SLCO1A2: variants seen among roughly 807,000 people sequenced by gnomAD.
SLCO1A2 encodes the protein solute carrier organic anion transporter family member 1A2.
Under a neutral mutation model 69.0 loss-of-function variants are expected in SLCO1A2, and 67 were observed. That is an observed-to-expected ratio of 0.97 (90% confidence interval 0.80 to 1.19). SLCO1A2 has a LOEUF of 1.19. SLCO1A2 is among the 50% of genes most tolerant of loss of function. SLCO1A2 has a pLI of 0.00. For synonymous variants in SLCO1A2, 260 were observed against 265.9 expected (o/e 0.98, Z 0.22); for missense variants, 787 against 793.7 (o/e 0.99, Z 0.10).
chr12:21,386,303 G>T (rs1401940035), intron 1 of SLCO1A2, among the ~76,000 whole-genome samples: 2 of 152,174 alleles, frequency 1.3e-5, no homozygotes, highest in African/African-American at 4.8e-5. Context: ...GCCTTGCAAA[G>T]ATATGAGGAT....
At chr12:21,316,020 A>G (rs967108105) in intron 3 of SLCO1A2, among the ~76,000 whole-genome samples, 16 of 152,310 alleles carry the variant, frequency 1.1e-4, no homozygotes, top group Non-Finnish European at 1.6e-4. Flanking sequence ...TGTAAATTTC[A>G]CACTATTTCT....
chr12:21,318,412 C>T (rs900597321), intron 3 of SLCO1A2, among the ~76,000 whole-genome samples: 1 of 152,172 alleles, frequency 6.6e-6, no homozygotes, highest in African/African-American at 2.4e-5. Flanking sequence ...AGCCACCTCG[C>T]CCGGCGGTCT....
intron 1 of SLCO1A2, among the ~76,000 whole-genome samples, chr12:21,387,484 G>A (rs561618178): frequency 5.3e-5 from 8 of 152,094 alleles, no homozygotes; most frequent in Non-Finnish European, 7.4e-5. Flanking sequence ...AGGGGCCAAG[G>A]TACAGCTCAA....
At chr12:21,274,912 A>G in intron 13 of SLCO1A2, 2 of 1,057,054 alleles carry the variant, frequency 1.9e-6, no homozygotes, top group Non-Finnish European at 2.3e-6. Flanking sequence ...CTTTCATTTT[A>G]TTTTCAAATC....
At chr12:21,322,018 A>G (rs751787828) in intron 2 of SLCO1A2, among the ~76,000 whole-genome samples, 1 of 152,246 alleles carries the variant, frequency 6.6e-6, no homozygotes, top group Non-Finnish European at 1.5e-5. Context: ...CAGGCACCCA[A>G]TACAAGTTTA....
intron 14 of SLCO1A2, among the ~76,000 whole-genome samples, chr12:21,273,509 A>AATTG (rs1324660155): frequency 6.6e-6 from 1 of 152,178 alleles, no homozygotes; most frequent in African/African-American, 2.4e-5. Context: ...TTCATTGACC[A>AATTG]GTCTAATTGG....
At chr12:21,275,087 A>G (rs1174945269) in intron 13 of SLCO1A2, 1 of 1,041,374 alleles carries the variant, frequency 9.6e-7, no homozygotes, top group African/African-American at 1.7e-5. Context: ...TTGTTTATCT[A>G]GTATTTAATA....
chr12:21,321,909 A>C (rs1020047115), intron 2 of SLCO1A2, among the ~76,000 whole-genome samples: 1 of 152,120 alleles, frequency 6.6e-6, no homozygotes, highest in African/African-American at 2.4e-5. Context: ...TTAGATGTCT[A>C]TAAGTTCCTC....
intron 3 of SLCO1A2, among the ~76,000 whole-genome samples, chr12:21,316,924 TG>T (rs1565494607): frequency 6.6e-6 from 1 of 152,218 alleles, no homozygotes; most frequent in Non-Finnish European, 1.5e-5. Context: ...ATATGGCTGT[TG>T]CAAACAATTC....
intron 3 of SLCO1A2, among the ~76,000 whole-genome samples, chr12:21,315,331 C>T (rs778334357): frequency 4.6e-5 from 7 of 151,996 alleles, no homozygotes; most frequent in Admixed American, 1.3e-4. Context: ...AAAATGTATC[C>T]GCATGTCTTA....
intron 2 of SLCO1A2, chr12:21,319,406 C>T: frequency 1.5e-6 from 2 of 1,367,908 alleles, no homozygotes; most frequent in Non-Finnish European, 2.0e-6. Context: ...TTCTTGCTTG[C>T]AATTCTTGGT....
At chr12:21,382,380 T>TGTACGCTTCTTGGGTGACAG (rs1940640886) in intron 1 of SLCO1A2, among the ~76,000 whole-genome samples, 1 of 152,170 alleles carries the variant, frequency 6.6e-6, no homozygotes, top group East Asian at 1.9e-4. Context: ...TCAGATATAA[T>TGTACGCTTCTTGGGTGACAG]GTACGCTTCT....
At chr12:21,310,179 A>C (rs963944790) in intron 4 of SLCO1A2, among the ~76,000 whole-genome samples, 6 of 152,248 alleles carry the variant, frequency 3.9e-5, no homozygotes, top group African/African-American at 1.4e-4. Context: ...ACTAATGTAT[A>C]GACATATCTC....
chr12:21,300,003 T>TGC (rs1226039176), intron 8 of SLCO1A2, among the ~76,000 whole-genome samples: 1 of 149,542 alleles, frequency 6.7e-6, no homozygotes, highest in African/African-American at 2.5e-5. Context: ...TAGATATATG[T>TGC]GTGTGTACAT....
Position 21,300,431 on chromosome 12 carries a change from T to G in SLCO1A2, c.827A>C (p.Glu276Ala). ...ATTTTTAATGATGTCAGCATTAGTC[T>G]CTAGTCCTTCCTTTGGAAGTGTGTT... ...LPNTLPKEGL[E>A]TNADIIKNEN... The change falls in exon 8 of 15, where the codon GAG becomes GCG. Residue 276 changes from glutamate (E) to alanine (A), a missense_variant. Transcript: ENST00000683939. 1 of 1,613,666 alleles carries G rather than the reference T, an allele frequency of 6.2e-7. No homozygotes were observed. Among genetic ancestry groups the G allele is most frequent in the East Asian group, 2.2e-5 (1 of 44,848 alleles).
chr12:21,416,437 T>C (rs1941990324), intron 1 of SLCO1A2, among the ~76,000 whole-genome samples: 1 of 151,988 alleles, frequency 6.6e-6, no homozygotes, highest in African/African-American at 2.4e-5. Context: ...ATCAAGTTTA[T>C]ATTTCAATTA....
upstream of SLCO1A2, among the ~76,000 whole-genome samples, chr12:21,418,544 A>T (rs1021066269): frequency 1.3e-4 from 20 of 152,200 alleles, no homozygotes; most frequent in African/African-American, 4.3e-4. Flanking sequence ...CATGTCTTAG[A>T]TTGCGGCAGA....
At chr12:21,306,315 G>C (rs568375873) in intron 5 of SLCO1A2, among the ~76,000 whole-genome samples, 3 of 151,806 alleles carry the variant, frequency 2.0e-5, no homozygotes, top group Non-Finnish European at 4.4e-5. Context: ...GTGGTCCTTG[G>C]ATAGATGTCT....
intron 2 of SLCO1A2, among the ~76,000 whole-genome samples, chr12:21,367,940 C>T (rs1939511685): frequency 6.6e-6 from 1 of 152,110 alleles, no homozygotes; most frequent in Admixed American, 6.6e-5. Context: ...TGTTCTCTTT[C>T]ATTGAAGAAT....
Sources: allele counts gnomAD v4.1 joint callset (sites outside exome capture counted in the v4.1 genomes callset), GRCh38; gene constraint gnomAD v4.1.1; transcripts MANE v1.5; gene names NCBI Gene and HGNC (gene_info 2026-07-23, HGNC 2026-07-21).